The following HPSE2 variants were observed in gnomAD, a reference collection of about 807,000 sequenced individuals.
HPSE2 encodes inactive heparanase-2.
HPSE2 carries 38 observed loss-of-function variants against 60.5 expected under a neutral mutation model. That is an observed-to-expected ratio of 0.63 (90% CI 0.48 to 0.82). HPSE2 has a LOEUF of 0.82. Among genes scored for constraint, HPSE2 ranks in the 40% least tolerant of loss-of-function variants. The pLI is 0.00. For synonymous variants in HPSE2, 295 were observed against 293.2 expected (o/e 1.01, Z -0.06); for missense variants, 713 against 740.4 (o/e 0.96, Z 0.43).
At chr10:98,855,088 G>T (rs1054095821) in intron 3 of HPSE2, among the ~76,000 whole-genome samples, 4 of 152,076 alleles carry the variant, frequency 2.6e-5, no homozygotes. Context: ...CTACAGACAG[G>T]CACCTCCAAA....
At chr10:98,770,297 T>A (rs1193759803) in intron 3 of HPSE2, among the ~76,000 whole-genome samples, 2 of 152,212 alleles carry the variant, frequency 1.3e-5, no homozygotes, top group Non-Finnish European at 2.9e-5. Flanking sequence ...AATGGTGGAA[T>A]CTGATCCCTA....
chr10:98,977,869 A>G (rs1018447629), intron 3 of HPSE2, among the ~76,000 whole-genome samples: 8 of 151,654 alleles, frequency 5.3e-5, no homozygotes, highest in African/African-American at 1.9e-4. Context: ...CTTACAACCT[A>G]AAAATTATTT....
chr10:98,527,309 G>A (rs1942997473), intron 9 of HPSE2, among the ~76,000 whole-genome samples: 1 of 152,090 alleles, frequency 6.6e-6, no homozygotes, highest in Non-Finnish European at 1.5e-5. Context: ...TTTATTGGCT[G>A]CCCACTGCTT....
chr10:99,276,712 A>G, the HPSE2 span, among the ~76,000 whole-genome samples: 2 of 152,180 alleles, frequency 1.3e-5, no homozygotes, highest in African/African-American at 4.8e-5. Flanking sequence ...TTGTTAAATC[A>G]GGCACAATGA....
intron 9 of HPSE2, among the ~76,000 whole-genome samples, chr10:98,568,707 C>G (rs1366790978): frequency 6.6e-6 from 1 of 152,132 alleles, no homozygotes; most frequent in Non-Finnish European, 1.5e-5. Flanking sequence ...CAGGTTCTTT[C>G]CCCTCAACCC....
rs992157177 is a variant in HPSE2 at position 98,965,450 on chromosome 10, C to A, written c.610+178788G>T. Among the ~76,000 whole-genome samples, 34 of 141,934 alleles carry A rather than the reference C, an allele frequency of 2.4e-4. 1 individual carries two copies. Among genetic ancestry groups the A allele is most frequent in the Non-Finnish European group, 4.8e-4 (30 of 63,146 alleles). The allele number at this position is 141,934 out of a possible 152,430, so 93.1% of individuals were successfully genotyped here. A position where few individuals can be genotyped will look rare whatever the true frequency, so the allele number is the denominator to read the frequency against. On this transcript the variant is annotated intron_variant, in intron 3 of 11. Coordinates refer to ENST00000370552, the MANE Select transcript of HPSE2 (RefSeq NM_021828.5). ...AATACAAATTAAGTAAAAAAAAAAACAACTGACATGCATGACACATGGTAG... is the reference window on the plus strand; with the variant it reads ...AATACAAATTAAGTAAAAAAAAAAAAAACTGACATGCATGACACATGGTAG...
chr10:99,169,597 A>T (rs912049582), intron 2 of HPSE2, among the ~76,000 whole-genome samples: 2 of 149,880 alleles, frequency 1.3e-5, no homozygotes, highest in African/African-American at 4.9e-5. Context: ...TATAGCTTTC[A>T]AAGTGGCTGT....
intron 3 of HPSE2, among the ~76,000 whole-genome samples, chr10:98,923,377 T>A (rs1228242867): frequency 6.6e-6 from 1 of 152,164 alleles, no homozygotes; most frequent in Non-Finnish European, 1.5e-5. Context: ...GTAGTCTTCT[T>A]TAGGTTAAAT....
In HPSE2 at chr10:98,570,479, A is replaced by C. The variant is rs868636817; in HGVS notation, c.1320+44425T>G. Among the ~76,000 whole-genome samples the C allele has an allele frequency of 2.0e-5, 3 of 151,036 alleles. No homozygotes were observed. In the South Asian group the frequency reaches 6.3e-4, roughly 32 times the overall value. On this transcript the variant is annotated intron_variant, in intron 9 of 11. Coordinates refer to ENST00000370552, the MANE Select transcript of HPSE2 (RefSeq NM_021828.5). The stretch of plus-strand genomic sequence containing the variant: ...TTTTTTTTGGTCTTGTTTTTAAAAT[A>C]AGAGGCTGATAATTAATTAATTAGC...
At position 98,967,951 on chromosome 10, in the gene HPSE2, C is replaced by T. The variant is rs141708968; in HGVS notation, c.610+176287G>A. 1.5e-3 allele frequency among the ~76,000 whole-genome samples: 230 copies of T among 152,218 alleles called. 1 individual carries two copies. Among genetic ancestry groups the T allele is most frequent in the African/African-American group, 5.3e-3 (221 of 41,536 alleles). ...GAATACTAGAAAAAAGTCTGTTATACATATGACTCACTTACTCCTGGCTTG... is the reference window on the plus strand; with the variant it reads ...GAATACTAGAAAAAAGTCTGTTATATATATGACTCACTTACTCCTGGCTTG... On this transcript the variant is annotated intron_variant, in intron 3 of 11. Transcript: ENST00000370552.
chr10:99,182,769 G>C (rs958625572), intron 2 of HPSE2, among the ~76,000 whole-genome samples: 2 of 151,930 alleles, frequency 1.3e-5, no homozygotes, highest in African/African-American at 4.8e-5. Flanking sequence ...AGGCTGAGGG[G>C]GCAGATCATG....
At chr10:99,032,563 G>T (rs140208766) in intron 3 of HPSE2, among the ~76,000 whole-genome samples, 8 of 152,068 alleles carry the variant, frequency 5.3e-5, no homozygotes, top group South Asian at 2.1e-4. Context: ...ACATATTGAT[G>T]TAGAAAAATT....
intron 3 of HPSE2, among the ~76,000 whole-genome samples, chr10:98,920,216 G>C (rs1194088976): frequency 6.6e-6 from 1 of 152,184 alleles, no homozygotes; most frequent in Non-Finnish European, 1.5e-5. Flanking sequence ...TTTGCTTAAA[G>C]ACTTCTGTTC....
chr10:98,896,213 T>C (rs866502247), intron 3 of HPSE2, among the ~76,000 whole-genome samples: 7 of 152,264 alleles, frequency 4.6e-5, no homozygotes, highest in South Asian at 2.1e-4. Flanking sequence ...GATCCTAGTA[T>C]ATTTCCAGGT....
In HPSE2 at chr10:98,482,721, T is replaced by A; in HGVS notation, c.1528A>T (p.Lys510Ter). 6.2e-7 allele frequency: 1 copy of A among 1,614,244 alleles called. No individual in the cohort carries two copies. Among genetic ancestry groups the A allele is most frequent in the Non-Finnish European group, 8.5e-7 (1 of 1,180,044 alleles). ...FIINLHRSRK[K>*]IKLAGTLRDK... ...CTGAGAGTCCCAGCCAGCTTGATTT[T>A]CTTTCTTGATCGATGCAAGTTGATG... The change falls in exon 11 of 12, where the codon AAA (lysine) becomes TAA (stop). Residue 510 changes from lysine to a stop codon, truncating the protein, a stop_gained. Coordinates refer to ENST00000370552, the MANE Select transcript of HPSE2 (RefSeq NM_021828.5). LOFTEE classifies it high-confidence loss of function.
At position 98,721,763 on chromosome 10, in the gene HPSE2, T is replaced by C; in HGVS notation, c.850A>G (p.Ile284Val). Residue 284 changes from isoleucine to valine, a missense_variant, in exon 5 of 12, where the codon ATC (isoleucine) becomes GTC (valine). Transcript: ENST00000370552. The stretch of plus-strand genomic sequence containing the variant: ...GGCTGCAACAGGCTCTTCAGCTGGA[T>C]GTAATCCTTTCCCAACTGGCTGCCA... Reference protein sequence around the residue: ...VNGSQLGKDYIQLKSLLQPIR... With the variant: ...VNGSQLGKDYVQLKSLLQPIR... 6.2e-7 allele frequency: 1 copy of C among 1,613,754 alleles called. No individual in the cohort carries two copies. Among genetic ancestry groups the C allele is most frequent in the Non-Finnish European group, 8.5e-7 (1 of 1,179,836 alleles).
chr10:99,206,786 G>A (rs1334215665), intron 2 of HPSE2, among the ~76,000 whole-genome samples: 2 of 151,808 alleles, frequency 1.3e-5, no homozygotes, highest in African/African-American at 2.4e-5. Context: ...ATGCAATAGA[G>A]AGCCTCAACA....
chr10:99,187,678 G>A (rs978674148), intron 2 of HPSE2, among the ~76,000 whole-genome samples: 11 of 152,262 alleles, frequency 7.2e-5, no homozygotes, highest in South Asian at 4.1e-4. Context: ...AAATGAAAAC[G>A]TAGTAAGATA....
chr10:98,749,947 T>TATATATATATATATATATATATATATAC lies in HPSE2; in HGVS notation c.611-5892_611-5891insGTATATATATATATATATATATATATAT. Among the ~76,000 whole-genome samples, 300 of 98,276 alleles carry TATATATATATATATATATATATATATAC rather than the reference T, an allele frequency of 3.1e-3. 1 individual carries two copies. Among genetic ancestry groups the TATATATATATATATATATATATATATAC allele is most frequent in the African/African-American group, 8.1e-3 (243 of 29,852 alleles). The allele number at this position is 98,276 out of a possible 152,430, so 64.5% of individuals were successfully genotyped here. A position where few individuals can be genotyped will look rare whatever the true frequency, so the allele number is the denominator to read the frequency against. Reference sequence around the variant, plus strand: ...ATTAAACACTATATATATATATATATACACACACACTTACACACACATTTA... The same window carrying TATATATATATATATATATATATATATAC: ...ATTAAACACTATATATATATATATATATATATATATATATATATATATATATACACACACACACTTACACACACATTTA... On this transcript the variant is annotated intron_variant, in intron 3 of 11. Coordinates refer to ENST00000370552, the MANE Select transcript of HPSE2 (RefSeq NM_021828.5).
Sources: allele counts gnomAD v4.1 joint callset (sites outside exome capture counted in the v4.1 genomes callset), GRCh38; gene constraint gnomAD v4.1.1; transcripts MANE v1.5; gene names NCBI Gene and HGNC (gene_info 2026-07-23, HGNC 2026-07-21).